The following DPYD variants were observed in gnomAD, a reference collection of about 807,000 sequenced individuals.
DPYD encodes dihydropyrimidine dehydrogenase, also known as dihydropyrimidine dehydrogenase [NADP(+)].
A neutral mutation model predicts 116.2 loss-of-function variants in DPYD; 109 were observed. The observed-to-expected ratio is 0.94, with a 90% CI of 0.80 to 1.10. The LOEUF (loss-of-function observed/expected upper bound fraction) is 1.10, where lower values mean the gene tolerates loss of function less well. Among genes scored for constraint, DPYD ranks in the 50% least tolerant of loss-of-function variants. DPYD has a pLI of 0.00. For synonymous variants in DPYD, 440 were observed against 432.0 expected (o/e 1.02, Z -0.23); for missense variants, 1,302 against 1,254.5 (o/e 1.04, Z -0.57).
At chr1:97,544,816 A>G (rs957246814) in intron 12 of DPYD, among the ~76,000 whole-genome samples, 1 of 152,154 alleles carries the variant, frequency 6.6e-6, no homozygotes, top group Non-Finnish European at 1.5e-5. Flanking sequence ...AAGAACAAAA[A>G]ACAAAATCCT....
intron 20 of DPYD, among the ~76,000 whole-genome samples, chr1:97,136,911 C>T (rs760581759): frequency 2.0e-5 from 3 of 151,988 alleles, no homozygotes; most frequent in Admixed American, 6.6e-5. Flanking sequence ...TAGAAAGAAT[C>T]GTTAAAATGG....
At chr1:97,616,841 A>G (rs1656301927) in intron 8 of DPYD, among the ~76,000 whole-genome samples, 1 of 152,190 alleles carries the variant, frequency 6.6e-6, no homozygotes, top group African/African-American at 2.4e-5. Flanking sequence ...TAAAATTCCT[A>G]AGATTATTAG....
chr1:97,458,684 G>A (rs966690311), intron 13 of DPYD, among the ~76,000 whole-genome samples: 7 of 152,156 alleles, frequency 4.6e-5, no homozygotes, highest in African/African-American at 1.7e-4. Flanking sequence ...AAAATAACTA[G>A]AGAGCAATGG....
chr1:97,252,056 T>C (rs1043194311), intron 18 of DPYD, among the ~76,000 whole-genome samples: 6 of 137,972 alleles, frequency 4.3e-5, no homozygotes, highest in African/African-American at 1.5e-4. Flanking sequence ...TAAAACCTTG[T>C]AGTCATAAAC....
At chr1:97,296,868 T>C (rs745762805) in intron 18 of DPYD, among the ~76,000 whole-genome samples, 1 of 152,144 alleles carries the variant, frequency 6.6e-6, no homozygotes, top group Non-Finnish European at 1.5e-5. Context: ...TTATGAATTT[T>C]TAAATGGGTG....
chr1:97,546,590 C>G (rs1012278617), intron 12 of DPYD: 38 of 1,607,800 alleles, frequency 2.4e-5, no homozygotes, highest in Non-Finnish European at 3.1e-5. Flanking sequence ...ATAACACATC[C>G]TGTGTATAGC....
rs981996580 is a variant in DPYD, at chr1:97,082,356, T to C, written c.2881A>G (p.Met961Val). 2.5e-6 allele frequency: 4 copies of C among 1,613,612 alleles called. No individual in the cohort carries two copies. The highest frequency in any genetic ancestry group is 3.4e-6 in the Non-Finnish European group (4 of 1,179,608). Residue 961 changes from methionine (M) to valine (V), a missense_variant, in exon 22 of 23, where the codon ATG becomes GTG. By Grantham distance (21) the Met-to-Val change is conservative. Transcript: ENST00000370192. The stretch of plus-strand genomic sequence containing the variant: ...TGGTAGCCAGAATCATTACAGGTCA[T>C]GTAGCATTTACCACAGTTGATACAC... ...EMCINCGKCY[M>V]TCNDSGYQAI...
At chr1:97,918,469 C>G (rs940743310) in intron 1 of DPYD, among the ~76,000 whole-genome samples, 2 of 152,206 alleles carry the variant, frequency 1.3e-5, no homozygotes, top group Non-Finnish European at 2.9e-5. Flanking sequence ...GAGCTAGGTC[C>G]TATTACCAAG....
intron 18 of DPYD, 141 bp from the exon 19 acceptor site, chr1:97,235,135 C>G (rs995570241): frequency 3.5e-5 from 32 of 917,538 alleles, no homozygotes; most frequent in Non-Finnish European, 5.3e-5. Context: ...GATGTATATA[C>G]ATATGTAGTG....
chr1:97,130,937 CTA>C (rs201446950), intron 20 of DPYD, among the ~76,000 whole-genome samples: 3,139 of 148,104 alleles, frequency 0.021, 73 homozygotes, highest in African/African-American at 0.05. Flanking sequence ...CTCTCTCTAT[CTA>C]TCTATCTATC....
chr1:97,666,365 C>T (rs1188838253), intron 8 of DPYD, among the ~76,000 whole-genome samples: 1 of 151,982 alleles, frequency 6.6e-6, no homozygotes, highest in Non-Finnish European at 1.5e-5. Flanking sequence ...TGCTATGTTG[C>T]CCAGGCTGGT....
At chr1:97,208,288 T>C (rs992018249) in intron 19 of DPYD, among the ~76,000 whole-genome samples, 7 of 151,052 alleles carry the variant, frequency 4.6e-5, no homozygotes, top group East Asian at 3.9e-4. Context: ...TTTCTCTCTC[T>C]CTTTCTTTTT....
At chr1:97,559,731 A>G (rs1652005178) in intron 11 of DPYD, among the ~76,000 whole-genome samples, 1 of 152,160 alleles carries the variant, frequency 6.6e-6, no homozygotes, top group Non-Finnish European at 1.5e-5. Flanking sequence ...ATTTTAGTAC[A>G]TAAGTAAATG....
intron 1 of DPYD, among the ~76,000 whole-genome samples, chr1:97,894,516 A>G (rs1672952477): frequency 6.6e-6 from 1 of 151,782 alleles, no homozygotes; most frequent in South Asian, 2.1e-4. Context: ...GTACCATTTT[A>G]TTTTATCAAG....
intron 8 of DPYD, among the ~76,000 whole-genome samples, chr1:97,678,188 C>G (rs1052582417): frequency 7.9e-5 from 12 of 152,086 alleles, no homozygotes; most frequent in African/African-American, 2.9e-4. Flanking sequence ...CAACTTAGAT[C>G]CTTCGCATGC....
chr1:97,183,883 G>A (rs972747316), intron 20 of DPYD, among the ~76,000 whole-genome samples: 1 of 151,942 alleles, frequency 6.6e-6, no homozygotes, highest in Admixed American at 6.6e-5. Flanking sequence ...ATAGTGCCCA[G>A]TAGTTATTTT....
chr1:97,754,944 T>C (rs948447790), intron 3 of DPYD, among the ~76,000 whole-genome samples: 2 of 152,230 alleles, frequency 1.3e-5, no homozygotes, highest in African/African-American at 2.4e-5. Context: ...ATTTATTTGT[T>C]TCTTCGGGAC....
chr1:97,749,554 A>G (rs1664754773), intron 3 of DPYD, among the ~76,000 whole-genome samples: 1 of 152,200 alleles, frequency 6.6e-6, no homozygotes, highest in African/African-American at 2.4e-5. Context: ...AGAAATACCT[A>G]TATCTTATAT....
At chr1:97,732,449 T>G (rs1340709726) in intron 4 of DPYD, among the ~76,000 whole-genome samples, 1 of 138,640 alleles carries the variant, frequency 7.2e-6, no homozygotes, top group Non-Finnish European at 1.5e-5. Flanking sequence ...CACTCCAGTC[T>G]GGCAACAGAG....
Sources: allele counts gnomAD v4.1 joint callset (sites outside exome capture counted in the v4.1 genomes callset), GRCh38; gene constraint gnomAD v4.1.1; transcripts MANE v1.5; gene names NCBI Gene and HGNC (gene_info 2026-07-23, HGNC 2026-07-21).